The following CCDC181 variants were observed in gnomAD, a reference collection of about 807,000 sequenced individuals.
CCDC181 encodes the protein coiled-coil domain-containing protein 181.
A neutral mutation model predicts 58.7 loss-of-function variants in CCDC181; 35 were observed. The observed-to-expected ratio is 0.60, with a 90% CI of 0.46 to 0.79. The LOEUF (loss-of-function observed/expected upper bound fraction) is 0.79. Among genes scored for constraint, CCDC181 ranks in the 30% least tolerant of loss-of-function variants. CCDC181 has a pLI of 0.00. For missense variants in CCDC181, 517 were observed against 583.9 expected, an observed-to-expected ratio of 0.89 and a Z score of 1.18; for synonymous variants, 183 against 197.5, an observed-to-expected ratio of 0.93 and a Z score of 0.62.
chr1:169,431,373 A>T (rs1408231362), upstream of CCDC181, among the ~76,000 whole-genome samples: 1 of 105,150 alleles, frequency 9.5e-6, no homozygotes, highest in African/African-American at 3.2e-5. Flanking sequence ...CCAAAAGTGG[A>T]AATGACTCAA....
intron 4 of CCDC181, among the ~76,000 whole-genome samples, chr1:169,412,817 C>A (rs1656040771): frequency 6.6e-6 from 1 of 152,102 alleles, no homozygotes; most frequent in Admixed American, 6.5e-5. Flanking sequence ...AACTGGCTAG[C>A]CATATGCAGA....
At chr1:169,451,692 C>G (rs1369138463) in intron 2 of CCDC181, among the ~76,000 whole-genome samples, 1 of 149,730 alleles carries the variant, frequency 6.7e-6, no homozygotes, top group Non-Finnish European at 1.5e-5. Flanking sequence ...AAATAAATAA[C>G]ATCACAAAGA....
At chr1:169,452,879 T>G (rs1571520356) in intron 2 of CCDC181, 1 of 152,102 alleles carries the variant, frequency 6.6e-6, no homozygotes, top group East Asian at 1.9e-4. Context: ...CTTTTTCTCT[T>G]AAATCCTGAA....
intron 4 of CCDC181, among the ~76,000 whole-genome samples, chr1:169,407,057 G>GAA (rs33976978): frequency 8.4e-6 from 1 of 118,924 alleles, no homozygotes; most frequent in Non-Finnish European, 1.7e-5. Context: ...AGATGAGGCA[G>GAA]AAAAAAAAAA....
rs542707043 is a variant in CCDC181 at position 169,403,308 on chromosome 1, G to A, written c.1216-5917C>T. 2.8e-4 allele frequency among the ~76,000 whole-genome samples: 43 copies of A among 152,180 alleles called. No individual in the cohort carries two copies. The East Asian group carries it at 2.9e-3, about 10-fold the overall frequency. On this transcript the variant is annotated intron_variant, in intron 4 of 5. Coordinates refer to ENST00000367806, the MANE Select transcript of CCDC181 (RefSeq NM_001300969.2). ...AATTGAACGCAGCTCTGCACCAAGC[G>A]GACCTAATAGACATCTACAGAACTC... is the stretch of plus-strand genomic sequence containing the variant.
At chr1:169,397,473 T>C in intron 4 of CCDC181, 82 bp from the exon 5 acceptor site, 1 of 1,247,330 alleles carries the variant, frequency 8.0e-7, no homozygotes, top group South Asian at 1.7e-5. Context: ...CCTACAAGAA[T>C]ATATTTCCTA....
chr1:169,437,751 A>G (rs1339440870), intron 2 of CCDC181, among the ~76,000 whole-genome samples: 1 of 152,186 alleles, frequency 6.6e-6, no homozygotes, highest in Non-Finnish European at 1.5e-5. Flanking sequence ...CAAGGCTTGC[A>G]TGGCAAAGGC....
upstream of CCDC181, among the ~76,000 whole-genome samples, chr1:169,432,199 A>C (rs935327968): frequency 1.6e-4 from 25 of 152,302 alleles, no homozygotes; most frequent in African/African-American, 5.8e-4. Context: ...AGTACAACTG[A>C]AATGAAAATC....
chr1:169,404,293 T>G (rs2102052400), intron 4 of CCDC181, among the ~76,000 whole-genome samples: 1 of 152,198 alleles, frequency 6.6e-6, no homozygotes, highest in South Asian at 2.1e-4. Context: ...AAAGAGGGAA[T>G]CCTCCCTAAC....
chr1:169,439,287 A>T (rs956802751), intron 2 of CCDC181, among the ~76,000 whole-genome samples: 4 of 152,136 alleles, frequency 2.6e-5, no homozygotes, highest in Non-Finnish European at 5.9e-5. Context: ...GGCTGCAGAC[A>T]GACACCCTAC....
chr1:169,402,701 C>T (rs573715397), intron 4 of CCDC181, among the ~76,000 whole-genome samples: 13 of 152,316 alleles, frequency 8.5e-5, no homozygotes, highest in Non-Finnish European at 1.5e-4. Context: ...ACCACAAAAA[C>T]ATGCCAAAAT....
chr1:169,419,334 C>T (rs1048266895), intron 3 of CCDC181, among the ~76,000 whole-genome samples, 175 bp from the exon 4 acceptor site: 5 of 152,172 alleles, frequency 3.3e-5, no homozygotes, highest in Non-Finnish European at 7.3e-5. Flanking sequence ...AATCCCAGCA[C>T]TCTGGGGGGC....
chr1:169,399,699 A>G (rs1039534515), intron 4 of CCDC181, among the ~76,000 whole-genome samples: 2 of 152,240 alleles, frequency 1.3e-5, no homozygotes, highest in Non-Finnish European at 2.9e-5. Context: ...CATCCATGAT[A>G]TCATAATTGG....
chr1:169,418,599 A>C (rs1656317074), intron 4 of CCDC181, among the ~76,000 whole-genome samples: 1 of 151,174 alleles, frequency 6.6e-6, no homozygotes, highest in African/African-American at 2.4e-5. Flanking sequence ...TTTCTGTTTT[A>C]GTTTTTTTAA....
intron 2 of CCDC181, among the ~76,000 whole-genome samples, chr1:169,458,362 A>C (rs1657739687): frequency 6.6e-6 from 1 of 152,130 alleles, no homozygotes; most frequent in South Asian, 2.1e-4. Flanking sequence ...CATTCCCACC[A>C]GCAATTTATG....
At chr1:169,458,194 G>GT (rs1184666505) in intron 2 of CCDC181, among the ~76,000 whole-genome samples, 10 of 81,894 alleles carry the variant, frequency 1.2e-4, no homozygotes, top group South Asian at 3.2e-4. Context: ...TTTTTGTTTT[G>GT]TTTTTTTTGC....
chr1:169,421,589 T>G lies in CCDC181; in HGVS notation c.842A>C (p.His281Pro). ...DSTAKIHAVT[H>P]SSTGEPLAYI... is the part of the protein sequence containing the mutation. The stretch of plus-strand genomic sequence containing the variant: ...AGCCAGCGGCTCTCCTGTTGATGAG[T>G]GAGTGACAGCATGAATCTTTGCTGT... The change falls in exon 3 of 6, where the codon CAC becomes CCC. Residue 281 changes from histidine to proline, a missense_variant. His to Pro is a moderately conservative substitution (Grantham distance 77). Coordinates refer to ENST00000367806, the MANE Select transcript of CCDC181 (RefSeq NM_001300969.2). The G allele has an allele frequency of 6.2e-7, 1 of 1,614,070 alleles. No homozygotes were observed. Among genetic ancestry groups the G allele is most frequent in the South Asian group, 1.1e-5 (1 of 91,080 alleles).
chr1:169,399,470 C>G (rs1398440050), intron 4 of CCDC181, among the ~76,000 whole-genome samples: 1 of 151,920 alleles, frequency 6.6e-6, no homozygotes, highest in Non-Finnish European at 1.5e-5. Context: ...TAAATTACAG[C>G]AGAACTATCA....
At chr1:169,459,350 G>A (rs773210833) in intron 2 of CCDC181, among the ~76,000 whole-genome samples, 3 of 152,138 alleles carry the variant, frequency 2.0e-5, no homozygotes, top group Non-Finnish European at 4.4e-5. Context: ...TTCTCGAGAT[G>A]ATTTTTGAAA....
Sources: gnomAD v4.1 joint callset for allele counts (sites outside exome capture counted in the v4.1 genomes callset) on GRCh38, gnomAD v4.1.1 for gene constraint, MANE v1.5 for transcripts, NCBI Gene and HGNC (gene_info 2026-07-23, HGNC 2026-07-21) for gene names.